The following FREM1 variants were observed in gnomAD, a reference collection of about 807,000 sequenced individuals.
FREM1 encodes the protein FRAS1-related extracellular matrix protein 1.
FREM1 carries 220 observed loss-of-function variants against 210.1 expected under a neutral mutation model. The ratio of observed to expected loss-of-function variants is 1.05; its 90% CI spans 0.94 to 1.17. FREM1 has a LOEUF of 1.17. Ranked by LOEUF, FREM1 falls within the 50% of genes most tolerant of loss-of-function variation. FREM1 has a pLI of 0.00. For synonymous variants in FREM1, 1,189 were observed against 980.2 expected (o/e 1.21, Z -3.98); for missense variants, 3,454 against 2,675.5 (o/e 1.29, Z -6.42).
rs1173180371 is a variant in FREM1, at chr9:14,769,842, G to C, written c.5086C>G (p.Gln1696Glu). 8.3e-6 allele frequency: 13 copies of C among 1,560,448 alleles called. No individual in the cohort carries two copies. The highest frequency in any genetic ancestry group is 1.1e-5 in the Non-Finnish European group (13 of 1,150,746). ...TGEFIHEKFS[Q>E]KDLNSKTILY... is the part of the protein sequence containing the mutation. ...ATAGTCTTACTGTTTAAGTCCTTTT[G>C]GCTAAATTTCTCATGGATAAATTCA... Residue 1696 changes from glutamine to glutamate, a missense_variant, in exon 27 of 37, where the codon CAA becomes GAA. Gln to Glu is a conservative substitution (Grantham distance 29). Transcript: ENST00000380880.
intron 25 of FREM1, among the ~76,000 whole-genome samples, chr9:14,772,861 G>A (rs1847833427): frequency 6.6e-6 from 1 of 152,170 alleles, no homozygotes. Context: ...GAATGTAGAT[G>A]GTTGTTTTAT....
intron 1 of FREM1, among the ~76,000 whole-genome samples, chr9:14,876,119 G>T (rs763507929): frequency 0.017 from 2,653 of 152,178 alleles, 41 homozygotes; most frequent in Non-Finnish European, 0.027. Flanking sequence ...CTGCTCGGGG[G>T]TCAGGGGTCA....
Position 14,854,209 on chromosome 9 carries a change from G to C in FREM1, c.829-2602C>G, listed in dbSNP as rs1008679009. On this transcript the variant is annotated intron_variant, in intron 5 of 36. Coordinates refer to ENST00000380880, the MANE Select transcript of FREM1 (RefSeq NM_001379081.2). ...ACTGTGATAAGGAATTGTCAAATAAGATAAAGGCAAAGAAAACATCATTTA... is the reference window on the plus strand; with the variant it reads ...ACTGTGATAAGGAATTGTCAAATAACATAAAGGCAAAGAAAACATCATTTA... Among the ~76,000 whole-genome samples, 4 of 152,174 alleles carry C rather than the reference G, an allele frequency of 2.6e-5. No individual in the cohort carries two copies. The South Asian group carries it at 8.3e-4, about 32-fold the overall frequency.
intron 6 of FREM1, among the ~76,000 whole-genome samples, chr9:14,851,033 T>C (rs1025131108): frequency 6.6e-6 from 1 of 152,226 alleles, no homozygotes; most frequent in African/African-American, 2.4e-5. Context: ...GTGGTGGGCA[T>C]GAGCTGAGTG....
chr9:14,807,377 A>G (rs1167665366), intron 17 of FREM1, among the ~76,000 whole-genome samples: 1 of 152,176 alleles, frequency 6.6e-6, no homozygotes, highest in East Asian at 1.9e-4. Flanking sequence ...CTTTCTTTCC[A>G]GAACACTGCT....
chr9:14,803,213 CTCT>C (rs1817640649), intron 19 of FREM1, among the ~76,000 whole-genome samples: 1 of 132,350 alleles, frequency 7.6e-6, no homozygotes, highest in Non-Finnish European at 1.6e-5. Context: ...TTTCTTCTTT[CTCT>C]TTTCTTTCTC....
At chr9:14,890,089 G>C (rs1439465227) in intron 1 of FREM1, among the ~76,000 whole-genome samples, 1 of 152,156 alleles carries the variant, frequency 6.6e-6, no homozygotes, top group African/African-American at 2.4e-5. Context: ...CTCACACAAG[G>C]GTACTGTAAC....
At chr9:14,814,038 C>A (rs1253463641) in intron 15 of FREM1, among the ~76,000 whole-genome samples, 1 of 152,172 alleles carries the variant, frequency 6.6e-6, no homozygotes, top group African/African-American at 2.4e-5. Context: ...ACATTCCCCA[C>A]CATCACAGGG....
intron 21 of FREM1, among the ~76,000 whole-genome samples, chr9:14,796,813 G>A (rs530363128): frequency 1.3e-5 from 2 of 152,282 alleles, no homozygotes; most frequent in East Asian, 3.9e-4. Flanking sequence ...AATCCCTACA[G>A]AGCTGTGAGT....
At chr9:14,881,578 G>C (rs1834799911) in intron 1 of FREM1, among the ~76,000 whole-genome samples, 1 of 151,488 alleles carries the variant, frequency 6.6e-6, no homozygotes, top group African/African-American at 2.5e-5. Flanking sequence ...GCTCCTCTCA[G>C]ATAGATTGTT....
intron 23 of FREM1, among the ~76,000 whole-genome samples, chr9:14,785,304 A>T (rs538383254): frequency 1.3e-5 from 2 of 152,356 alleles, no homozygotes; most frequent in Non-Finnish European, 2.9e-5. Flanking sequence ...TAGTTTATTA[A>T]CATTCATTAG....
At chr9:14,770,399 G>A (rs1587845933) in intron 26 of FREM1, among the ~76,000 whole-genome samples, 1 of 152,144 alleles carries the variant, frequency 6.6e-6, no homozygotes, top group East Asian at 1.9e-4. Context: ...TTGTATATCA[G>A]TATTTGGTTC....
intron 15 of FREM1, among the ~76,000 whole-genome samples, chr9:14,814,831 T>G (rs79706491): frequency 0.018 from 2,682 of 152,308 alleles, 72 homozygotes; most frequent in African/African-American, 0.062. Context: ...TGGCTGTGCC[T>G]CTGTTTGGCT....
chr9:14,876,625 G>C (rs191036548), intron 1 of FREM1, among the ~76,000 whole-genome samples: 1 of 152,082 alleles, frequency 6.6e-6, no homozygotes, highest in Non-Finnish European at 1.5e-5. Context: ...GATCCCTTGC[G>C]CTTCCCAAGT....
intron 3 of FREM1, among the ~76,000 whole-genome samples, chr9:14,862,639 T>C (rs7019358): frequency 0.55 from 83,237 of 151,996 alleles, 25,488 homozygotes; most frequent in African/African-American, 0.83. Context: ...AAAAGAGACA[T>C]ATTTCCCTTC....
chr9:14,805,508 TAA>T (rs1401088872), intron 18 of FREM1, among the ~76,000 whole-genome samples: 1 of 152,220 alleles, frequency 6.6e-6, no homozygotes, highest in East Asian at 1.9e-4. Context: ...CACTTGAGTA[TAA>T]AAAGAGACCA....
intron 1 of FREM1, among the ~76,000 whole-genome samples, chr9:14,871,241 C>G (rs1394691623): frequency 6.6e-6 from 1 of 152,210 alleles, no homozygotes; most frequent in Non-Finnish European, 1.5e-5. Context: ...CTGACTTCCA[C>G]AATGGTTGAA....
intron 1 of FREM1, among the ~76,000 whole-genome samples, chr9:14,894,821 G>A (rs1837421098): frequency 6.6e-6 from 1 of 152,174 alleles, no homozygotes; most frequent in South Asian, 2.1e-4. Flanking sequence ...ATAGTTATTT[G>A]CATAAGTGCA....
intron 27 of FREM1, among the ~76,000 whole-genome samples, chr9:14,762,755 AT>A (rs34136678): frequency 1.5e-4 from 20 of 137,900 alleles, no homozygotes; most frequent in African/African-American, 2.7e-4. Context: ...TTTGAATGTG[AT>A]TTTTTTTTTT....
Sources: gnomAD v4.1 joint callset for allele counts (sites outside exome capture counted in the v4.1 genomes callset) on GRCh38, gnomAD v4.1.1 for gene constraint, MANE v1.5 for transcripts, NCBI Gene and HGNC (gene_info 2026-07-23, HGNC 2026-07-21) for gene names.